TLN2: variants seen among roughly 807,000 people sequenced by gnomAD.
TLN2 encodes talin-2.
Under a neutral mutation model 294.7 loss-of-function variants are expected in TLN2, and 118 were observed. The observed-to-expected ratio is 0.40, with a 90% CI of 0.34 to 0.47. The LOEUF is 0.47. Among genes scored for constraint, TLN2 ranks in the 20% least tolerant of loss-of-function variants. The probability of loss-of-function intolerance (pLI) is 0.84; values close to 1 mark genes in which losing one functional copy is unlikely to be tolerated. For missense variants in TLN2, 3,083 were observed against 3,282.2 expected, an observed-to-expected ratio of 0.94 and a Z score of 1.48; for synonymous variants, 1,431 against 1,304.5, an observed-to-expected ratio of 1.10 and a Z score of -2.09.
chr15:62,745,561 T>A (rs879208687), intron 32 of TLN2, among the ~76,000 whole-genome samples: 4 of 152,194 alleles, frequency 2.6e-5, no homozygotes, highest in Admixed American at 1.3e-4. Flanking sequence ...TTTAGAGGGG[T>A]AGGCCCATTC....
At chr15:62,783,599 T>C (rs1001236133) in intron 44 of TLN2, among the ~76,000 whole-genome samples, 172 bp from the exon 45 acceptor site, 2 of 152,204 alleles carry the variant, frequency 1.3e-5, no homozygotes, top group African/African-American at 4.8e-5. Context: ...TTGGCTTGAA[T>C]TGCCCTCTCC....
At chr15:62,501,620 G>T (rs1307055485) in intron 1 of TLN2, among the ~76,000 whole-genome samples, 2 of 152,122 alleles carry the variant, frequency 1.3e-5, no homozygotes, top group Admixed American at 1.3e-4. Flanking sequence ...TTTCAGAAGT[G>T]GCTGACAAAT....
chr15:62,776,659 C>T, intron 42 of TLN2, 105 bp from the exon 43 acceptor site: 3 of 1,103,160 alleles, frequency 2.7e-6, no homozygotes, highest in South Asian at 8.3e-5. Context: ...TCGCTGTGCT[C>T]CATTGTGGGG....
At chr15:62,840,409 C>T (rs2070512477) in intron 58 of TLN2, 73 bp from the exon 59 acceptor site, 2 of 1,584,122 alleles carry the variant, frequency 1.3e-6, no homozygotes, top group Admixed American at 1.8e-5. Context: ...GTGGAGCTCA[C>T]ATGAGCAGTG....
At chr15:62,483,097 T>G (rs1236451939) in intron 1 of TLN2, among the ~76,000 whole-genome samples, 1 of 152,220 alleles carries the variant, frequency 6.6e-6, no homozygotes, top group African/African-American at 2.4e-5. Flanking sequence ...GGAAGCTCCT[T>G]TGCTGGCTTG....
chr15:62,662,822 GT>G (rs772448730), intron 9 of TLN2, among the ~76,000 whole-genome samples: 55 of 108,230 alleles, frequency 5.1e-4, no homozygotes, highest in African/African-American at 1.8e-3. Context: ...GATTGAGAGA[GT>G]TTTTTTTTTT....
chr15:62,721,261 C>A (rs940793019), intron 25 of TLN2, among the ~76,000 whole-genome samples: 1 of 152,146 alleles, frequency 6.6e-6, no homozygotes, highest in Non-Finnish European at 1.5e-5. Context: ...TTGAACAAAT[C>A]TAAATTTACA....
At chr15:62,631,582 CT>C (rs2049875953) in intron 3 of TLN2, among the ~76,000 whole-genome samples, 1 of 131,070 alleles carries the variant, frequency 7.6e-6, no homozygotes, top group Non-Finnish European at 1.6e-5. Context: ...CTTTCTTTCT[CT>C]CTCTTCTTTC....
intron 32 of TLN2, among the ~76,000 whole-genome samples, chr15:62,744,778 C>T (rs1429141303): frequency 6.6e-6 from 1 of 152,148 alleles, no homozygotes; most frequent in East Asian, 1.9e-4. Flanking sequence ...AAACTCCTGA[C>T]CTAGTGATCC....
intron 24 of TLN2, among the ~76,000 whole-genome samples, chr15:62,718,899 A>C (rs766770513): frequency 2.6e-5 from 4 of 152,134 alleles, no homozygotes; most frequent in Non-Finnish European, 4.4e-5. Context: ...TGGAGAGGGG[A>C]GAGTGGAGCA....
chr15:62,483,064 C>T (rs751483190), intron 1 of TLN2, among the ~76,000 whole-genome samples: 1 of 152,202 alleles, frequency 6.6e-6, no homozygotes, highest in Non-Finnish European at 1.5e-5. Context: ...TGCCCAGTTC[C>T]CTTCCTCTGT....
chr15:62,525,743 G>C (rs1420558313), intron 1 of TLN2, among the ~76,000 whole-genome samples: 3 of 152,144 alleles, frequency 2.0e-5, no homozygotes, highest in African/African-American at 2.4e-5. Context: ...TGTCTGTAAG[G>C]TCCCTTTAGG....
intron 19 of TLN2, among the ~76,000 whole-genome samples, chr15:62,704,932 G>A (rs1361631250): frequency 1.1e-4 from 16 of 152,160 alleles, no homozygotes; most frequent in African/African-American, 1.9e-4. Flanking sequence ...TTATCTTGAC[G>A]TAGTCATTTA....
At chr15:62,461,975 G>A (rs1469542946) in intron 1 of TLN2, among the ~76,000 whole-genome samples, 1 of 152,208 alleles carries the variant, frequency 6.6e-6, no homozygotes, top group Non-Finnish European at 1.5e-5. Flanking sequence ...GGTGGCTCAC[G>A]CCTGTAATCC....
At chr15:62,594,589 A>G (rs1050150928) in intron 2 of TLN2, among the ~76,000 whole-genome samples, 2 of 152,232 alleles carry the variant, frequency 1.3e-5, no homozygotes, top group Non-Finnish European at 2.9e-5. Flanking sequence ...TAGTGTTGGG[A>G]CAACTGGATA....
intron 54 of TLN2, chr15:62,827,783 G>A (rs1001755824): frequency 6.6e-6 from 1 of 152,186 alleles, no homozygotes; most frequent in Non-Finnish European, 1.5e-5. Flanking sequence ...TAATGAAATT[G>A]CTAATAGTTT....
intron 9 of TLN2, among the ~76,000 whole-genome samples, chr15:62,664,367 A>G (rs902238154): frequency 8.5e-5 from 13 of 152,106 alleles, no homozygotes; most frequent in African/African-American, 3.1e-4. Context: ...CAAAAGGGAC[A>G]GAGCATTTCA....
At chr15:62,535,487 C>CACACACCCCT (rs1050657973) in intron 1 of TLN2, among the ~76,000 whole-genome samples, 3 of 151,836 alleles carry the variant, frequency 2.0e-5, no homozygotes, top group Admixed American at 6.6e-5. Flanking sequence ...CACACACACA[C>CACACACCCCT]ACACCCCTCT....
At chr15:62,452,690 C>G (rs577509929) in intron 1 of TLN2, among the ~76,000 whole-genome samples, 1 of 152,120 alleles carries the variant, frequency 6.6e-6, no homozygotes, top group East Asian at 1.9e-4. Flanking sequence ...GGAATCATAC[C>G]GCATTTGTTT....
Sources: gnomAD v4.1 joint callset for allele counts (sites outside exome capture counted in the v4.1 genomes callset) on GRCh38, gnomAD v4.1.1 for gene constraint, MANE v1.5 for transcripts, NCBI Gene and HGNC (gene_info 2026-07-23, HGNC 2026-07-21) for gene names.